The following DOCK7 variants were observed in gnomAD, a reference collection of about 807,000 sequenced individuals.
The protein encoded by DOCK7 is dedicator of cytokinesis protein 7.
In DOCK7, 138 loss-of-function variants were observed where a neutral mutation model predicts 271.0. The observed-to-expected ratio is 0.51, with a 90% CI of 0.44 to 0.59. The LOEUF (loss-of-function observed/expected upper bound fraction) is 0.59. DOCK7 is among the 20% of genes least tolerant of loss of function. The probability of loss-of-function intolerance (pLI) is 0.00; values close to 1 mark genes in which losing one functional copy is unlikely to be tolerated. For missense variants in DOCK7, 2,066 were observed against 2,592.4 expected, an observed-to-expected ratio of 0.80 and a Z score of 4.41; for synonymous variants, 823 against 876.1, an observed-to-expected ratio of 0.94 and a Z score of 1.07.
chr1:62,561,704 C>T lies in DOCK7; in HGVS notation c.2113-1G>A. 1 of 1,542,616 alleles carries T rather than the reference C, an allele frequency of 6.5e-7. No homozygotes were observed. The highest frequency in any genetic ancestry group is 8.7e-7 in the Non-Finnish European group (1 of 1,151,076). On this transcript the variant is annotated splice_acceptor_variant, in intron 18 of 49. Coordinates refer to ENST00000635253, the MANE Select transcript of DOCK7 (RefSeq NM_001367561.1). LOFTEE classifies it high-confidence loss of function. The stretch of plus-strand genomic sequence containing the variant: ...CCCATTTCATGCCAGGTAGAGGAAC[C>T]TGTAAGATATTAAATATAATGATCA...
At chr1:62,631,960 C>T (rs1398655235) in intron 10 of DOCK7, among the ~76,000 whole-genome samples, 1 of 152,084 alleles carries the variant, frequency 6.6e-6, no homozygotes, top group Non-Finnish European at 1.5e-5. Flanking sequence ...AAAAGACTAA[C>T]GGTCCAAATA....
At chr1:62,476,207 A>G (rs752644950) in intron 44 of DOCK7, 51 bp from the exon 45 acceptor site, 2 of 1,490,138 alleles carry the variant, frequency 1.3e-6, no homozygotes, top group Admixed American at 3.7e-5. Context: ...AGACTGCGAA[A>G]TAGAGAAGGC....
At position 62,525,879 on chromosome 1, in the gene DOCK7, A is replaced by G. The variant is rs142829464; in HGVS notation, c.3936+2272T>C. 5.3e-3 allele frequency among the ~76,000 whole-genome samples: 810 copies of G among 152,364 alleles called. 10 individuals carry two copies. Among genetic ancestry groups the G allele is most frequent in the African/African-American group, 0.018 (763 of 41,584 alleles). On this transcript the variant is annotated intron_variant, in intron 31 of 49. Transcript: ENST00000635253. ...GGGAGAAAGTATTTGTAAATCAGATAGCTGATTATTTTACAAATCCAGAAT... is the reference window on the plus strand; with the variant it reads ...GGGAGAAAGTATTTGTAAATCAGATGGCTGATTATTTTACAAATCCAGAAT...
intron 12 of DOCK7, among the ~76,000 whole-genome samples, chr1:62,624,568 T>C (rs370098515): frequency 6.6e-6 from 1 of 152,202 alleles, no homozygotes; most frequent in East Asian, 1.9e-4. Context: ...ATTATGAATA[T>C]GGTAGTTTAG....
At chr1:62,477,620 T>G in intron 44 of DOCK7, 80 bp downstream of exon 44, 6 of 1,417,918 alleles carry the variant, frequency 4.2e-6, no homozygotes, top group Non-Finnish European at 5.6e-6. Context: ...TACTAAATGA[T>G]TAGATCTGGA....
At chr1:62,556,480 C>A (rs1646145155) in intron 20 of DOCK7, among the ~76,000 whole-genome samples, 3 of 143,852 alleles carry the variant, frequency 2.1e-5, no homozygotes, top group African/African-American at 2.6e-5. Flanking sequence ...AGTGAATAAG[C>A]AACTTGATTG....
intron 4 of DOCK7, among the ~76,000 whole-genome samples, chr1:62,650,830 C>CT (rs1657245354): frequency 6.6e-6 from 1 of 152,146 alleles, no homozygotes; most frequent in African/African-American, 2.4e-5. Context: ...AACAGGAACA[C>CT]TTTTACAGTG....
intron 31 of DOCK7, among the ~76,000 whole-genome samples, chr1:62,526,052 T>C (rs1644997074): frequency 6.6e-6 from 1 of 152,162 alleles, no homozygotes; most frequent in South Asian, 2.1e-4. Flanking sequence ...TCCTCCCACC[T>C]TAGCTTCCCA....
At chr1:62,651,013 C>T (rs928451173) in intron 4 of DOCK7, among the ~76,000 whole-genome samples, 36 of 152,116 alleles carry the variant, frequency 2.4e-4, no homozygotes, top group African/African-American at 8.4e-4. Context: ...TACTGCGGTG[C>T]TATTCACAAT....
intron 12 of DOCK7, among the ~76,000 whole-genome samples, chr1:62,622,063 G>A (rs1653312477): frequency 6.6e-6 from 1 of 152,178 alleles, no homozygotes; most frequent in Admixed American, 6.5e-5. Flanking sequence ...TGCAAACAGA[G>A]GCTTGAAAAA....
chr1:62,553,352 ATATTTTTTTTTTT>A (rs1646014638), intron 21 of DOCK7, among the ~76,000 whole-genome samples: 1 of 9,420 alleles, frequency 1.1e-4, no homozygotes, highest in African/African-American at 5.4e-4. Flanking sequence ...ATATATATAT[ATATTTTTTTTTTT>A]TTTTTTTTTT....
At chr1:62,579,603 G>T (rs747668585) in intron 16 of DOCK7, among the ~76,000 whole-genome samples, 1 of 149,144 alleles carries the variant, frequency 6.7e-6, no homozygotes, top group Non-Finnish European at 1.5e-5. Context: ...TTGGGAGGCC[G>T]AGATGAGAGG....
chr1:62,534,973 C>T (rs1428510875), intron 29 of DOCK7, among the ~76,000 whole-genome samples: 1 of 152,060 alleles, frequency 6.6e-6, no homozygotes, highest in Non-Finnish European at 1.5e-5. Flanking sequence ...TGCCTGTAGT[C>T]CCAGCTTTGG....
chr1:62,459,744 T>C (rs1283068703), intron 48 of DOCK7, among the ~76,000 whole-genome samples: 1 of 152,060 alleles, frequency 6.6e-6, no homozygotes, highest in Non-Finnish European at 1.5e-5. Flanking sequence ...AAACACTAAC[T>C]TCTACTAAAC....
chr1:62,667,302 T>C (rs1659428930), intron 1 of DOCK7, among the ~76,000 whole-genome samples: 1 of 152,148 alleles, frequency 6.6e-6, no homozygotes. Context: ...TGTTAAATAA[T>C]AAGGTATCTT....
intron 31 of DOCK7, among the ~76,000 whole-genome samples, chr1:62,514,977 C>T (rs1031691118): frequency 3.9e-5 from 6 of 152,048 alleles, no homozygotes; most frequent in Non-Finnish European, 1.5e-5. Flanking sequence ...CATAGGAAAG[C>T]TGAACATACA....
chr1:62,495,270 G>A (rs894140756), intron 39 of DOCK7: 1 of 172,494 alleles, frequency 5.8e-6, no homozygotes. Flanking sequence ...TGGAAAAAGT[G>A]CATTTGGACT....
intron 1 of DOCK7, 23 bp downstream of exon 1, chr1:62,688,204 C>CG: frequency 3.7e-6 from 5 of 1,368,972 alleles, no homozygotes; most frequent in African/African-American, 1.5e-5. Context: ...GCGGCGGCGG[C>CG]GCGCCCCACG....
At chr1:62,494,939 A>G (rs563412954) in intron 39 of DOCK7, 4 of 153,204 alleles carry the variant, frequency 2.6e-5, no homozygotes, top group Non-Finnish European at 5.8e-5. Flanking sequence ...TTACTATTGT[A>G]TCTATTAAGG....
Sources: allele counts gnomAD v4.1 joint callset (sites outside exome capture counted in the v4.1 genomes callset), GRCh38; gene constraint gnomAD v4.1.1; transcripts MANE v1.5; gene names NCBI Gene and HGNC (gene_info 2026-07-23, HGNC 2026-07-21).